RPGRIP1L: variants seen among roughly 807,000 people sequenced by gnomAD.
The protein encoded by RPGRIP1L is protein fantom.
In RPGRIP1L, 131 loss-of-function variants were observed where a neutral mutation model predicts 160.4. The observed-to-expected ratio is 0.82, with a 90% CI of 0.71 to 0.94. The LOEUF is 0.94. Ranked by LOEUF, RPGRIP1L falls within the 40% of genes least tolerant of loss-of-function variation. The pLI is 0.00. For missense variants in RPGRIP1L, 1,522 were observed against 1,535.8 expected, an observed-to-expected ratio of 0.99 and a Z score of 0.15; for synonymous variants, 510 against 515.8, an observed-to-expected ratio of 0.99 and a Z score of 0.15.
chr16:53,646,002 A>G lies in RPGRIP1L; in HGVS notation c.2306T>C (p.Leu769Ser). The G allele has an allele frequency of 6.2e-7, 1 of 1,613,796 alleles. No homozygotes were observed. The highest frequency in any genetic ancestry group is 1.1e-5 in the South Asian group (1 of 91,068). ...NFKGPEHMQS[L>S]SQQAPKTAQL... is the part of the protein sequence containing the mutation. Reference sequence around the variant, plus strand: ...AGCAGTTTTGGGTGCTTGCTGACTTAACTGGAAAAACATACATATTTATAT... The same window carrying G: ...AGCAGTTTTGGGTGCTTGCTGACTTGACTGGAAAAACATACATATTTATAT... The change falls in exon 17 of 27, where the codon TTA becomes TCA. Residue 769 changes from leucine (L) to serine (S), a missense_variant and splice_region_variant. Physicochemically the swap from Leu to Ser is moderately radical, Grantham distance 145 (BLOSUM62 -2). Transcript: ENST00000647211.
intron 16 of RPGRIP1L, among the ~76,000 whole-genome samples, chr16:53,648,605 TAC>T: frequency 7.9e-6 from 1 of 126,186 alleles, no homozygotes; most frequent in Non-Finnish European, 1.7e-5. Flanking sequence ...CACATATACG[TAC>T]GCGCGTGCGC....
chr16:53,688,635 T>TA (rs1321206885), intron 4 of RPGRIP1L, among the ~76,000 whole-genome samples: 1 of 152,082 alleles, frequency 6.6e-6, no homozygotes, highest in Non-Finnish European at 1.5e-5. Flanking sequence ...AACTAAATAT[T>TA]AGAGTTTAAG....
intron 2 of RPGRIP1L, among the ~76,000 whole-genome samples, chr16:53,698,385 C>T (rs1375821162): frequency 1.4e-5 from 2 of 144,206 alleles, no homozygotes; most frequent in South Asian, 2.2e-4. Flanking sequence ...AGCCCCCCGC[C>T]CGGCCAGCCG....
At chr16:53,641,229 A>G in intron 18 of RPGRIP1L, 56 bp downstream of exon 18, 1 of 1,563,510 alleles carries the variant, frequency 6.4e-7, no homozygotes, top group Non-Finnish European at 8.8e-7. Flanking sequence ...TTAGTTCTTA[A>G]GCTTTATATT....
chr16:53,619,994 G>A (rs1024225339), intron 23 of RPGRIP1L, among the ~76,000 whole-genome samples: 1 of 152,032 alleles, frequency 6.6e-6, no homozygotes, highest in African/African-American at 2.4e-5. Flanking sequence ...ATCACACCAA[G>A]GTAACTCCTC....
intron 15 of RPGRIP1L, among the ~76,000 whole-genome samples, chr16:53,649,996 CT>C (rs1286838849): frequency 6.6e-6 from 1 of 152,166 alleles, no homozygotes; most frequent in Non-Finnish European, 1.5e-5. Flanking sequence ...AATATTACCC[CT>C]ACTCTCTCCT....
At chr16:53,648,903 C>T in intron 16 of RPGRIP1L, 61 bp downstream of exon 16, 1 of 1,448,474 alleles carries the variant, frequency 6.9e-7, no homozygotes, top group Non-Finnish European at 9.7e-7. Context: ...AAGCACGACA[C>T]ATAAATAAAT....
intron 2 of RPGRIP1L, among the ~76,000 whole-genome samples, chr16:53,698,298 G>A (rs1277040682): frequency 1.8e-3 from 265 of 146,680 alleles, no homozygotes; most frequent in African/African-American, 6.5e-3. Context: ...CAGGCCAGCC[G>A]CCCCGTCCGG....
intron 6 of RPGRIP1L, among the ~76,000 whole-genome samples, chr16:53,676,552 T>C (rs984026282): frequency 6.6e-6 from 1 of 152,202 alleles, no homozygotes; most frequent in African/African-American, 2.4e-5. Flanking sequence ...AAGGACAGAA[T>C]GTGATTCAAA....
chr16:53,656,387 TA>T, intron 14 of RPGRIP1L, 84 bp downstream of exon 14: 1 of 916,656 alleles, frequency 1.1e-6, no homozygotes, highest in Non-Finnish European at 1.8e-6. Flanking sequence ...AAATACACTG[TA>T]AGTGCAGATT....
intron 24 of RPGRIP1L, 60 bp from the exon 25 acceptor site, chr16:53,611,111 T>C: frequency 1.8e-6 from 2 of 1,112,760 alleles, no homozygotes; most frequent in Middle Eastern, 2.1e-4. Flanking sequence ...GCTACATTAG[T>C]ACCATTCTGT....
chr16:53,638,672 C>T (rs1388064131), intron 19 of RPGRIP1L, among the ~76,000 whole-genome samples: 1 of 151,260 alleles, frequency 6.6e-6, no homozygotes, highest in African/African-American at 2.4e-5. Context: ...GAGAGCAATG[C>T]AAATGTTCAA....
Position 53,671,510 on chromosome 16 carries a change from C to G in RPGRIP1L, c.1103G>C (p.Ser368Thr). 1 of 1,562,976 alleles carries G rather than the reference C, an allele frequency of 6.4e-7. No homozygotes were observed. The highest frequency in any genetic ancestry group is 8.8e-7 in the Non-Finnish European group (1 of 1,134,704). ...LKENYDKLYD[S>T]AFSAAHEEQW... ...AAGAACACATGGAATCACGATTTAC[C>G]TGTCATAAAGTTTATCATAGTTTTC... The change falls in exon 9 of 27, where the codon AGT becomes ACT. Residue 368 changes from serine to threonine, a missense_variant and splice_region_variant. Ser to Thr is a moderately conservative substitution (Grantham distance 58). Transcript: ENST00000647211.
chr16:53,701,488 T>C (rs1971389868), intron 1 of RPGRIP1L, among the ~76,000 whole-genome samples: 1 of 150,658 alleles, frequency 6.6e-6, no homozygotes, highest in African/African-American at 2.5e-5. Flanking sequence ...AGTAACTCTA[T>C]TTTGAGTATG....
intron 24 of RPGRIP1L, among the ~76,000 whole-genome samples, chr16:53,612,321 T>A (rs529953631): frequency 3.0e-4 from 46 of 152,296 alleles, no homozygotes; most frequent in African/African-American, 1.1e-3. Flanking sequence ...TGGCTAGTTA[T>A]ATAGGTTACT....
intron 6 of RPGRIP1L, among the ~76,000 whole-genome samples, chr16:53,679,033 A>G (rs1328255485): frequency 1.3e-5 from 2 of 152,208 alleles, no homozygotes. Flanking sequence ...AAAGATAATG[A>G]TTTTGCTCAA....
intron 12 of RPGRIP1L, 142 bp downstream of exon 12, chr16:53,658,272 C>T (rs1006230365): frequency 1.4e-6 from 1 of 727,556 alleles, no homozygotes; most frequent in East Asian, 2.7e-5. Context: ...ATGTTACATA[C>T]ATATTTGTAA....
At chr16:53,662,574 T>C (rs1184989046) in intron 10 of RPGRIP1L, among the ~76,000 whole-genome samples, 3 of 152,106 alleles carry the variant, frequency 2.0e-5, no homozygotes, top group African/African-American at 7.2e-5. Context: ...TTTCAAAATC[T>C]GTAATACAAA....
At position 53,676,666 on chromosome 16, in the gene RPGRIP1L, C is replaced by T. The variant is rs537509435; in HGVS notation, c.777-1544G>A. ...TATTTTTTTTTGAGACGGAGACTTGCTCTGTCACCCAGGCTGGAGTGTAGT... is the reference window on the plus strand; with the variant it reads ...TATTTTTTTTTGAGACGGAGACTTGTTCTGTCACCCAGGCTGGAGTGTAGT... On this transcript the variant is annotated intron_variant, in intron 6 of 26. Transcript: ENST00000647211. Among the ~76,000 whole-genome samples, 6 of 151,918 alleles carry T rather than the reference C, an allele frequency of 3.9e-5. No individual in the cohort carries two copies. The South Asian group carries it at 1.2e-3, about 32-fold the overall frequency.
Sources: allele counts gnomAD v4.1 joint callset (sites outside exome capture counted in the v4.1 genomes callset), GRCh38; gene constraint gnomAD v4.1.1; transcripts MANE v1.5; gene names NCBI Gene and HGNC (gene_info 2026-07-23, HGNC 2026-07-21).